Variants in GPAM observed in about 807,000 individuals in gnomAD.
GPAM encodes glycerol-3-phosphate acyltransferase 1, mitochondrial.
GPAM carries 56 observed loss-of-function variants against 105.0 expected under a neutral mutation model. That is an observed-to-expected ratio of 0.53 (90% CI 0.43 to 0.67). GPAM has a LOEUF of 0.67. Among genes scored for constraint, GPAM ranks in the 30% least tolerant of loss-of-function variants. The pLI is 0.00. For synonymous variants in GPAM, 368 were observed against 354.4 expected, an observed-to-expected ratio of 1.04 and a Z score of -0.43; for missense variants, 855 against 989.8, an observed-to-expected ratio of 0.86 and a Z score of 1.83.
intron 19 of GPAM, chr10:112,156,446 G>A: frequency 3.5e-6 from 1 of 288,272 alleles, no homozygotes. Context: ...ACCAATGGGA[G>A]ACCACCAAGA....
In GPAM at chr10:112,180,725, T is replaced by A. The variant is rs1405856644; in HGVS notation, c.103-130A>T. On this transcript the variant is annotated intron_variant, in intron 3 of 21. Coordinates refer to ENST00000348367, the MANE Select transcript of GPAM (RefSeq NM_001244949.2). Reference sequence around the variant, plus strand: ...ATATTCTGGGTGATTTTCATTTAAGTACTCCCTCCATGATCAACACTTGGA... The same window carrying A: ...ATATTCTGGGTGATTTTCATTTAAGAACTCCCTCCATGATCAACACTTGGA... The A allele has an allele frequency of 1.1e-5, 9 of 801,760 alleles. No homozygotes were observed. In the East Asian group the frequency reaches 2.3e-4, roughly 20 times the overall value. The allele number at this position is 801,760 out of a possible 1,614,324, so 49.7% of individuals were successfully genotyped here.
intron 1 of GPAM, chr10:112,215,108 C>T (rs773448178): frequency 2.0e-5 from 3 of 152,274 alleles, no homozygotes; most frequent in Non-Finnish European, 4.4e-5. Flanking sequence ...CGTCCTACCC[C>T]CGTGTCTCAT....
the GPAM span, among the ~76,000 whole-genome samples, chr10:112,221,394 T>C: frequency 6.6e-6 from 1 of 151,894 alleles, no homozygotes; most frequent in Non-Finnish European, 1.5e-5. Flanking sequence ...CATCAAAGTG[T>C]GGTGGGAGGA....
chr10:112,198,285 G>C (rs1395062697), intron 1 of GPAM, among the ~76,000 whole-genome samples: 4 of 152,128 alleles, frequency 2.6e-5, no homozygotes, highest in Non-Finnish European at 5.9e-5. Context: ...GATCATAGCT[G>C]GTAAAAGGTG....
intron 21 of GPAM, 109 bp from the exon 22 acceptor site, chr10:112,153,775 CA>C: frequency 8.0e-7 from 1 of 1,255,988 alleles, no homozygotes; most frequent in Non-Finnish European, 1.1e-6. Context: ...AGTAAAGGCA[CA>C]AAAAACCATA....
In GPAM at chr10:112,178,061, T is replaced by C. The variant is rs764509301; in HGVS notation, c.226-4A>G. 7 of 1,534,308 alleles carry C rather than the reference T, an allele frequency of 4.6e-6. No individual in the cohort carries two copies. The Admixed American group carries it at 5.0e-5, about 11-fold the overall frequency. Reference sequence around the variant, plus strand: ...TACTGGGGTTGAAAAATTTGTCCTATATAAAACAAAGTAAATGTAGACATA... The same window carrying C: ...TACTGGGGTTGAAAAATTTGTCCTACATAAAACAAAGTAAATGTAGACATA... On this transcript the variant is annotated splice_polypyrimidine_tract_variant and splice_region_variant and intron_variant, in intron 4 of 21. Coordinates refer to ENST00000348367, the MANE Select transcript of GPAM (RefSeq NM_001244949.2).
Position 112,152,376 on chromosome 10 carries a change from G to C in GPAM, c.*1174C>G. On this transcript the variant is annotated 3_prime_UTR_variant, in exon 22 of 22. Coordinates refer to ENST00000348367, the MANE Select transcript of GPAM (RefSeq NM_001244949.2). Reference sequence around the variant, plus strand: ...ATTATTTACCACTATGTGGCATAAGGGTTTAGGCATATAACCCATAAAAAT... The same window carrying C: ...ATTATTTACCACTATGTGGCATAAGCGTTTAGGCATATAACCCATAAAAAT... 1.0e-6 allele frequency: 1 copy of C among 984,592 alleles called. No individual in the cohort carries two copies. The highest frequency in any genetic ancestry group is 4.7e-5 in the South Asian group (1 of 21,260). The allele number at this position is 984,592 out of a possible 1,614,324, so 61.0% of individuals were successfully genotyped here.
intron 1 of GPAM, among the ~76,000 whole-genome samples, chr10:112,211,976 A>G (rs2133307548): frequency 6.6e-6 from 1 of 152,304 alleles, no homozygotes; most frequent in South Asian, 2.1e-4. Flanking sequence ...ATGCTCCAAG[A>G]CCATTCCCTG....
chr10:112,161,885 G>T (rs1847131098), intron 14 of GPAM, 148 bp from the exon 15 acceptor site: 1 of 707,820 alleles, frequency 1.4e-6, no homozygotes, highest in South Asian at 1.5e-5. Context: ...CCAAAAGGAA[G>T]TTATAATACT....
rs1186052533 is a variant in GPAM at position 112,206,558 on chromosome 10, C to G, written n.210+8610G>C. On this transcript the variant is annotated intron_variant and non_coding_transcript_variant, in intron 1 of 3. Transcript: ENST00000480130. The stretch of plus-strand genomic sequence containing the variant: ...ATTGGAAACCATCATTCTCAGTAAA[C>G]TATCGCAAGAACAAAAAACCAAACA... 4.1e-5 allele frequency among the ~76,000 whole-genome samples: 5 copies of G among 122,348 alleles called. No homozygotes were observed. The East Asian group carries it at 1.3e-3, about 31-fold the overall frequency. 80.3% of individuals were successfully genotyped at this position (122,348 alleles called of 152,430 possible).
At chr10:112,214,690 A>C (rs933058191) in intron 1 of GPAM, among the ~76,000 whole-genome samples, 1 of 152,246 alleles carries the variant, frequency 6.6e-6, no homozygotes, top group East Asian at 1.9e-4. Flanking sequence ...TCTGTAGCCA[A>C]CATCACGAGG....
At chr10:112,190,896 AT>A (rs1847649911) in intron 1 of GPAM, among the ~76,000 whole-genome samples, 1 of 152,118 alleles carries the variant, frequency 6.6e-6, no homozygotes, top group African/African-American at 2.4e-5. Flanking sequence ...ACAGACAACT[AT>A]TTCCTTAGTC....
upstream of GPAM, among the ~76,000 whole-genome samples, chr10:112,219,606 T>G (rs1223762692): frequency 6.6e-6 from 1 of 152,262 alleles, no homozygotes; most frequent in Non-Finnish European, 1.5e-5. Flanking sequence ...AAGAGAGTTC[T>G]TAAATTCATT....
chr10:112,160,098 C>G, intron 16 of GPAM, 45 bp from the exon 17 acceptor site: 1 of 1,594,850 alleles, frequency 6.3e-7, no homozygotes, highest in Non-Finnish European at 8.6e-7. Context: ...TCAAAGTCTC[C>G]AAGAAAAACT....
rs367765173 is a variant in GPAM at position 112,209,205 on chromosome 10, T to C, written n.210+5963A>G. Among the ~76,000 whole-genome samples the C allele has an allele frequency of 1.3e-3, 198 of 152,344 alleles. 2 individuals carry two copies. Among genetic ancestry groups the C allele is most frequent in the African/African-American group, 4.5e-3 (188 of 41,578 alleles). ...GAGCAGTGACTATGCCTTGTTGCCC[T>C]GATTCATGGAGCTAATTAGACATGG... On this transcript the variant is annotated intron_variant and non_coding_transcript_variant, in intron 1 of 3. Coordinates refer to the GPAM transcript ENST00000480130.
Position 112,150,585 on chromosome 10 carries a change from A to G in GPAM, c.*2965T>C, listed in dbSNP as rs752923967. 1.0e-5 allele frequency: 10 copies of G among 977,556 alleles called. No homozygotes were observed. Among genetic ancestry groups the G allele is most frequent in the Non-Finnish European group, 1.2e-5 (10 of 822,542 alleles). The allele number at this position is 977,556 out of a possible 1,614,324, so 60.6% of individuals were successfully genotyped here. A position where few individuals can be genotyped will look rare whatever the true frequency, so the allele number is the denominator to read the frequency against. On this transcript the variant is annotated 3_prime_UTR_variant, in exon 22 of 22. Transcript: ENST00000348367. ...ACTATCTAACATAGTGTTTCCCAAA[A>G]TGTTCTCCACAGGACATTAGTGAGA...
Position 112,150,529 on chromosome 10 carries a change from T to C in GPAM, c.*3021A>G, listed in dbSNP as rs1021209284. 1 of 985,636 alleles carries C rather than the reference T, an allele frequency of 1.0e-6. No homozygotes were observed. Among genetic ancestry groups the C allele is most frequent in the Non-Finnish European group, 1.2e-6 (1 of 829,836 alleles). 61.1% of individuals were successfully genotyped at this position (985,636 alleles called of 1,614,324 possible). ...GCATGCATATTCTGCCCCAGTGCTA[T>C]CTGTTCATTACCGTTTTGTCTCCTT... On this transcript the variant is annotated 3_prime_UTR_variant, in exon 22 of 22. Coordinates refer to ENST00000348367, the MANE Select transcript of GPAM (RefSeq NM_001244949.2).
chr10:112,209,434 G>C (rs1262129328), intron 1 of GPAM, among the ~76,000 whole-genome samples: 1 of 152,058 alleles, frequency 6.6e-6, no homozygotes, highest in African/African-American at 2.4e-5. Flanking sequence ...TCAGCCCACA[G>C]GATAATTAAA....
At position 112,149,954 on chromosome 10, in the gene GPAM, C is replaced by T; in HGVS notation, c.*3596G>A. The T allele has an allele frequency of 1.0e-6, 1 of 985,622 alleles. No homozygotes were observed. Among genetic ancestry groups the T allele is most frequent in the Non-Finnish European group, 1.2e-6 (1 of 829,732 alleles). The allele number at this position is 985,622 out of a possible 1,614,324, so 61.1% of individuals were successfully genotyped here. A position where few individuals can be genotyped will look rare whatever the true frequency, so the allele number is the denominator to read the frequency against. ...AAGCATAAAAATCAATCAGCATTTCCAAGTATGTTTTGCTCACAAAATCGC... is the reference window on the plus strand; with the variant it reads ...AAGCATAAAAATCAATCAGCATTTCTAAGTATGTTTTGCTCACAAAATCGC... On this transcript the variant is annotated 3_prime_UTR_variant, in exon 22 of 22. Transcript: ENST00000348367.
Sources: gnomAD v4.1 joint callset for allele counts (sites outside exome capture counted in the v4.1 genomes callset) on GRCh38, gnomAD v4.1.1 for gene constraint, MANE v1.5 for transcripts, NCBI Gene and HGNC (gene_info 2026-07-23, HGNC 2026-07-21) for gene names.